Variants in ZFHX2 observed in about 807,000 individuals in gnomAD.
ZFHX2 encodes the protein zinc finger homeobox protein 2.
ZFHX2 carries 75 observed loss-of-function variants against 164.8 expected under a neutral mutation model. The ratio of observed to expected loss-of-function variants is 0.46; its 90% CI spans 0.38 to 0.55. ZFHX2 has a LOEUF of 0.55. Ranked by LOEUF, ZFHX2 falls within the 20% of genes least tolerant of loss-of-function variation. The pLI is 0.00. For missense variants in ZFHX2, 2,933 were observed against 3,308.0 expected (o/e 0.89, Z 2.78); for synonymous variants, 1,217 against 1,351.4 (o/e 0.90, Z 2.18).
At chr14:23,537,279 CA>C (rs1417711834) in intron 1 of ZFHX2, among the ~76,000 whole-genome samples, 1 of 151,918 alleles carries the variant, frequency 6.6e-6, no homozygotes, top group Non-Finnish European at 1.5e-5. Flanking sequence ...CACCAATTCC[CA>C]TGCCTCTCCA....
chr14:23,526,641 G>A lies in ZFHX2; in HGVS notation c.3301C>T (p.Leu1101Phe). ...NLTPEASPDP[L>F]PEPPLASVEV... ...ACTGAGGCCAGGGGAGGCTCAGGAA[G>A]AGGATCTGGACTGGCTTCTGGGGTC... Residue 1101 changes from leucine to phenylalanine, a missense_variant, in exon 9 of 10, where the codon CTT becomes TTT. Physicochemically the swap from Leu to Phe is conservative, Grantham distance 22 (BLOSUM62 0). Transcript: ENST00000419474. The A allele has an allele frequency of 1.3e-6, 2 of 1,536,048 alleles. No individual in the cohort carries two copies. Among genetic ancestry groups the A allele is most frequent in the Non-Finnish European group, 1.7e-6 (2 of 1,146,900 alleles).
rs1881376373 is a variant in ZFHX2 at position 23,546,308 on chromosome 14, CA to C, written c.-50+5034del. ...CTTTGATGTAATCCTGTGTTCCTGC[CA>C]AATACAGAAAGAGGGCTCCTGTTCT... On this transcript the variant is annotated intron_variant, in intron 1 of 9. Coordinates refer to ENST00000419474, the MANE Select transcript of ZFHX2 (RefSeq NM_033400.3). This position sits in a 1 kb window ranked among gnomAD's most constrained non-coding sequence, Gnocchi z 4.7. 6.6e-6 allele frequency among the ~76,000 whole-genome samples: 1 copy of C among 152,180 alleles called. No individual in the cohort carries two copies. The highest frequency in any genetic ancestry group is 1.5e-5 in the Non-Finnish European group (1 of 68,032).
At position 23,522,745 on chromosome 14, in the gene ZFHX2, C is replaced by T; in HGVS notation, c.6936G>A (p.Glu2312=). The change falls in exon 10 of 10, where the codon GAG becomes GAA. Residue 2312 remains glutamate (E), a synonymous_variant. Coordinates refer to ENST00000419474, the MANE Select transcript of ZFHX2 (RefSeq NM_033400.3). ...TEPLGDKVSS[E]RKPVAGPTSS... The stretch of plus-strand genomic sequence containing the variant: ...TGGTGGGGCCTGCAACTGGCTTTCG[C>T]TCACTGGAGACCTTGTCCCCCAAGG... 1 of 1,536,512 alleles carries T rather than the reference C, an allele frequency of 6.5e-7. No homozygotes were observed. Among genetic ancestry groups the T allele is most frequent in the Non-Finnish European group, 8.7e-7 (1 of 1,146,938 alleles).
chr14:23,552,248 C>T (rs1368382908), upstream of ZFHX2, among the ~76,000 whole-genome samples: 1 of 151,784 alleles, frequency 6.6e-6, no homozygotes, highest in Non-Finnish European at 1.5e-5. Context: ...GGTTCGGGCT[C>T]CTCCTCATCT....
At chr14:23,554,538 G>A (rs867010605), upstream of ZFHX2, among the ~76,000 whole-genome samples, 14 of 148,594 alleles carry the variant, frequency 9.4e-5, no homozygotes, top group African/African-American at 2.8e-4. Context: ...TACCACACCC[G>A]GCTAATTAAA....
chr14:23,527,584 C>G lies in ZFHX2; in HGVS notation c.3135+20G>C, dbSNP rs1351930380. 2 of 1,536,350 alleles carry G rather than the reference C, an allele frequency of 1.3e-6. No individual in the cohort carries two copies. Among genetic ancestry groups the G allele is most frequent in the Admixed American group, 2.0e-5 (1 of 51,008 alleles). ...CCTAATAAGGTCTTGTTGTACCGTC[C>G]TCACCCAGCCTGTACTCACTACAAG... On this transcript the variant is annotated intron_variant, in intron 7 of 9. Transcript: ENST00000419474.
chr14:23,524,525 T>A lies in ZFHX2; in HGVS notation c.5417A>T (p.Asp1806Val), dbSNP rs1306279287. 1 of 1,526,722 alleles carries A rather than the reference T, an allele frequency of 6.5e-7. No individual in the cohort carries two copies. Among genetic ancestry groups the A allele is most frequent in the East Asian group, 2.4e-5 (1 of 40,830 alleles). The allele number at this position is 1,526,722 out of a possible 1,614,324, so 94.6% of individuals were successfully genotyped here. A position where few individuals can be genotyped will look rare whatever the true frequency, so the allele number is the denominator to read the frequency against. Residue 1806 changes from aspartate to valine, a missense_variant, in exon 9 of 10, where the codon GAT becomes GTT. Physicochemically the swap from Asp to Val is radical, Grantham distance 152. Coordinates refer to ENST00000419474, the MANE Select transcript of ZFHX2 (RefSeq NM_033400.3). This position sits in a 1 kb window ranked among gnomAD's most constrained non-coding sequence, Gnocchi z 5.6. ...CTCCCCAAACACCAGCAAGGGCAGA[T>A]CTAGGAGTTGGGGGGGAGCACTGGG... ...LQPSAPPQLLDLPLLVFGERN... is the reference protein window; with the variant it reads ...LQPSAPPQLLVLPLLVFGERN...
At chr14:23,548,829 CT>C (rs1004855979) in intron 1 of ZFHX2, among the ~76,000 whole-genome samples, 1 of 152,176 alleles carries the variant, frequency 6.6e-6, no homozygotes, top group Non-Finnish European at 1.5e-5. Context: ...TTGTGCTATG[CT>C]TTTTTTCCAA....
Position 23,524,433 on chromosome 14 carries a change from C to T in ZFHX2, c.5509G>A (p.Gly1837Ser), listed in dbSNP as rs201784840. The T allele has an allele frequency of 8.5e-5, 130 of 1,535,942 alleles. No individual in the cohort carries two copies. The highest frequency in any genetic ancestry group is 2.0e-4 in the Admixed American group (10 of 50,964). Residue 1837 changes from glycine (G) to serine (S), a missense_variant, in exon 9 of 10, where the codon GGC (glycine) becomes AGC (serine). Physicochemically the swap from Gly to Ser is moderately conservative, Grantham distance 56. Coordinates refer to ENST00000419474, the MANE Select transcript of ZFHX2 (RefSeq NM_033400.3). The surrounding 1 kb of genome is among the most constrained non-coding windows in gnomAD (Gnocchi z 5.6). ...TCACTGCCTGTGGGAGACAAGCTGC[C>T]GTCCTCATGCTTCCGTTTGAGAGGT... ...GPPLKRKHED[G>S]SLSPTGSEAG...
chr14:23,549,563 T>C (rs139930663), intron 1 of ZFHX2, among the ~76,000 whole-genome samples: 215 of 151,832 alleles, frequency 1.4e-3, no homozygotes, highest in Non-Finnish European at 2.3e-3. Flanking sequence ...TGGTGCTGGA[T>C]CTAAATATGA....
At position 23,533,056 on chromosome 14, in the gene ZFHX2, G is replaced by T; in HGVS notation, c.2070C>A (p.His690Gln). 1 of 1,533,500 alleles carries T rather than the reference G, an allele frequency of 6.5e-7. No individual in the cohort carries two copies. Among genetic ancestry groups the T allele is most frequent in the Non-Finnish European group, 8.7e-7 (1 of 1,145,112 alleles). The allele number at this position is 1,533,500 out of a possible 1,614,324, so 95.0% of individuals were successfully genotyped here. ...AACCCAGGAGCTGACTTGGAGGCAG[G>T]TGGGCATCAGGGGATAGGCTTCCAG... ...SAPGSLSPDA[H>Q]LPPSQLLGSS... The change falls in exon 3 of 10, where the codon CAC (histidine) becomes CAA (glutamine). Residue 690 changes from histidine (H) to glutamine (Q), a missense_variant. Transcript: ENST00000419474. This position sits in a 1 kb window ranked among gnomAD's most constrained non-coding sequence, Gnocchi z 4.8.
chr14:23,525,597 A>G lies in ZFHX2; in HGVS notation c.4345T>C (p.Phe1449Leu). 6.5e-7 allele frequency: 1 copy of G among 1,535,726 alleles called. No homozygotes were observed. The change falls in exon 9 of 10, where the codon TTT becomes CTT. Residue 1449 changes from phenylalanine to leucine, a missense_variant. Transcript: ENST00000419474. The surrounding 1 kb of genome is among the most constrained non-coding windows in gnomAD (Gnocchi z 5.9). ...AAKALLENFG[F>L]ELVIQYNEGK... ...TCATTGTACTGGATCACCAGCTCAA[A>G]GCCAAAGTTTTCTAGAAGGGCTTTG... is the stretch of plus-strand genomic sequence containing the variant.
chr14:23,525,021 C>T lies in ZFHX2; in HGVS notation c.4921G>A (p.Val1641Met). The change falls in exon 9 of 10, where the codon GTG becomes ATG. Residue 1641 changes from valine to methionine, a missense_variant. Coordinates refer to ENST00000419474, the MANE Select transcript of ZFHX2 (RefSeq NM_033400.3). This position sits in a 1 kb window ranked among gnomAD's most constrained non-coding sequence, Gnocchi z 5.9. ...TTCTGGCGGGCATTCTGGAACCACA[C>T]CACCACCACACGGCTAGCCAGACCC... ...LLGLASRVVV[V>M]WFQNARQKAR... The T allele has an allele frequency of 6.5e-7, 1 of 1,536,218 alleles. No homozygotes were observed.
chr14:23,533,273 A>G lies in ZFHX2; in HGVS notation c.2041+12T>C. ...GGGGAGGAGAGAAGAGGGAAGAAGC[A>G]CAGAAGCTTACCGGATGTGGGGAAC... On this transcript the variant is annotated intron_variant, in intron 2 of 9. Transcript: ENST00000419474. This position sits in a 1 kb window ranked among gnomAD's most constrained non-coding sequence, Gnocchi z 4.8. 1 of 1,436,368 alleles carries G rather than the reference A, an allele frequency of 7.0e-7. No individual in the cohort carries two copies. The highest frequency in any genetic ancestry group is 1.5e-5 in the South Asian group (1 of 67,284). The allele number at this position is 1,436,368 out of a possible 1,614,324, so 89.0% of individuals were successfully genotyped here. A position where few individuals can be genotyped will look rare whatever the true frequency, so the allele number is the denominator to read the frequency against.
chr14:23,555,600 C>T (rs1595209955), upstream of ZFHX2: 1 of 152,248 alleles, frequency 6.6e-6, no homozygotes, highest in Non-Finnish European at 1.5e-5. Flanking sequence ...CCTCAACGTT[C>T]ATGCCAGGAG....
rs1316456878 is a variant in ZFHX2 at position 23,525,686 on chromosome 14, C to A, written c.4256G>T (p.Gly1419Val). 5 of 1,530,124 alleles carry A rather than the reference C, an allele frequency of 3.3e-6. No individual in the cohort carries two copies. Among genetic ancestry groups the A allele is most frequent in the Admixed American group, 2.0e-5 (1 of 50,736 alleles). 94.8% of individuals were successfully genotyped at this position (1,530,124 alleles called of 1,614,324 possible). A position where few individuals can be genotyped will look rare whatever the true frequency, so the allele number is the denominator to read the frequency against. Residue 1419 changes from glycine (G) to valine (V), a missense_variant, in exon 9 of 10, where the codon GGT becomes GTT. By Grantham distance (109) the Gly-to-Val change is moderately radical. Coordinates refer to ENST00000419474, the MANE Select transcript of ZFHX2 (RefSeq NM_033400.3). The surrounding 1 kb of genome is among the most constrained non-coding windows in gnomAD (Gnocchi z 5.9). ...EWERPPMAKE[G>V]NEAGPSSPPD... ...GGGTGAGGAAGGCCCTGCCTCATTA[C>A]CCTCTTTGGCCATGGGGGGCCGCTC...
rs1215943074 is a variant in ZFHX2, at chr14:23,551,286, G to A, written c.-50+57C>T. The stretch of plus-strand genomic sequence containing the variant: ...CCAAAGAGCAAGGAAGGGAAGAAGA[G>A]AGAGAGGGAGAGGAGAAAAAAACCA... On this transcript the variant is annotated intron_variant, in intron 1 of 9. Transcript: ENST00000419474. This position sits in a 1 kb window ranked among gnomAD's most constrained non-coding sequence, Gnocchi z 5.3. 6.6e-6 allele frequency: 1 copy of A among 152,568 alleles called. No homozygotes were observed. The highest frequency in any genetic ancestry group is 1.5e-5 in the Non-Finnish European group (1 of 68,026). The allele number at this position is 152,568 out of a possible 1,614,324, so 9.5% of individuals were successfully genotyped here. A position where few individuals can be genotyped will look rare whatever the true frequency, so the allele number is the denominator to read the frequency against.
Position 23,527,782 on chromosome 14 carries a change from C to T in ZFHX2, c.2957G>A (p.Ser986Asn). The T allele has an allele frequency of 1.3e-6, 2 of 1,535,984 alleles. No individual in the cohort carries two copies. Among genetic ancestry groups the T allele is most frequent in the East Asian group, 2.4e-5 (1 of 40,914 alleles). ...QTTVYCCPYC[S>N]FLSPESSQVR... ...CTGGCTGGACTCTGGGCTCAGGAAG[C>T]TGCAGTATGGACAGCAGTATACCTG... The change falls in exon 7 of 10, where the codon AGC (serine) becomes AAC (asparagine). Residue 986 changes from serine (S) to asparagine (N), a missense_variant. Transcript: ENST00000419474.
chr14:23,531,417 C>T (rs943995005), intron 4 of ZFHX2, 64 bp downstream of exon 4: 2 of 1,346,268 alleles, frequency 1.5e-6, no homozygotes, highest in Admixed American at 3.2e-5. Context: ...CCGCAGCCCC[C>T]CTGCTCCCCA....
Sources: gnomAD v4.1 joint callset for allele counts (sites outside exome capture counted in the v4.1 genomes callset) on GRCh38, gnomAD v4.1.1 for gene constraint, Gnocchi (gnomAD v3.1) non-coding constraint, MANE v1.5 for transcripts, NCBI Gene and HGNC (gene_info 2026-07-23, HGNC 2026-07-21) for gene names.